DPYD: variants seen among roughly 807,000 people sequenced by gnomAD.
The protein encoded by DPYD is dihydropyrimidine dehydrogenase [NADP(+)].
A neutral mutation model predicts 116.2 loss-of-function variants in DPYD; 109 were observed. The ratio of observed to expected loss-of-function variants is 0.94; its 90% confidence interval spans 0.80 to 1.10. The LOEUF (loss-of-function observed/expected upper bound fraction) is 1.10. Ranked by LOEUF, DPYD falls within the 50% of genes least tolerant of loss-of-function variation. The pLI is 0.00. For synonymous variants in DPYD, 440 were observed against 432.0 expected (o/e 1.02, Z -0.23); for missense variants, 1,302 against 1,254.5 (o/e 1.04, Z -0.57).
At chr1:97,752,054 T>A (rs1240043944) in intron 3 of DPYD, among the ~76,000 whole-genome samples, 1 of 152,042 alleles carries the variant, frequency 6.6e-6, no homozygotes, top group Non-Finnish European at 1.5e-5. Flanking sequence ...CCACTGTGCC[T>A]GGCCTAAAAA....
Position 97,414,552 on chromosome 1 carries a change from T to G in DPYD, c.1906-32091A>C, listed in dbSNP as rs556752694. 1.4e-4 allele frequency among the ~76,000 whole-genome samples: 22 copies of G among 152,332 alleles called. No individual in the cohort carries two copies. The South Asian group carries it at 4.6e-3, about 32-fold the overall frequency. ...GAGGGGGCTCAGAATAGAAAATTCA[T>G]TTGGGTTTTTAACTATAAATGTAGG... On this transcript the variant is annotated intron_variant, in intron 14 of 22. Transcript: ENST00000370192.
At chr1:97,636,460 A>T (rs572226906) in intron 8 of DPYD, among the ~76,000 whole-genome samples, 2 of 152,164 alleles carry the variant, frequency 1.3e-5, no homozygotes, top group African/African-American at 4.8e-5. Flanking sequence ...ATCTTTATAA[A>T]TAAAATATAG....
intron 12 of DPYD, among the ~76,000 whole-genome samples, chr1:97,548,976 A>G (rs926672805): frequency 6.6e-6 from 1 of 152,136 alleles, no homozygotes; most frequent in Non-Finnish European, 1.5e-5. Context: ...TGTATGATCT[A>G]TGTATTTAAG....
intron 1 of DPYD, among the ~76,000 whole-genome samples, chr1:97,917,242 T>A (rs1004689817): frequency 2.0e-5 from 3 of 152,198 alleles, no homozygotes; most frequent in Non-Finnish European, 2.9e-5. Flanking sequence ...AAACAACTCA[T>A]GGCTTTGTAT....
chr1:97,633,642 TA>T (rs926552499), intron 8 of DPYD, among the ~76,000 whole-genome samples: 2 of 152,092 alleles, frequency 1.3e-5, no homozygotes, highest in African/African-American at 4.8e-5. Flanking sequence ...GCCTGCAAAT[TA>T]AACTAACAAA....
chr1:97,295,602 T>C, intron 18 of DPYD: 1 of 195,164 alleles, frequency 5.1e-6, no homozygotes, highest in Non-Finnish European at 9.3e-6. Flanking sequence ...GGCTAAGTTT[T>C]GTGTTTTTGG....
chr1:97,404,569 G>C (rs1026446939), intron 14 of DPYD, among the ~76,000 whole-genome samples: 1 of 151,896 alleles, frequency 6.6e-6, no homozygotes, highest in Admixed American at 6.6e-5. Flanking sequence ...AACTTTCCTT[G>C]CTTTGAAGTC....
At chr1:97,894,535 T>A (rs9727548) in intron 1 of DPYD, among the ~76,000 whole-genome samples, 110,084 of 151,454 alleles carry the variant, frequency 0.73, 40,626 homozygotes, top group East Asian at 0.93. Context: ...AGAAGAAACT[T>A]CAGAATAACC....
rs545457756 is a variant in DPYD at position 97,151,200 on chromosome 1, C to T, written c.2622+41869G>A. On this transcript the variant is annotated intron_variant, in intron 20 of 22. Transcript: ENST00000370192. ...ACTGTAGAAACATTAAAATACTTTA[C>T]ATATATTTACATATACCTTACTGTA... is the stretch of plus-strand genomic sequence containing the variant. 7.2e-5 allele frequency among the ~76,000 whole-genome samples: 11 copies of T among 152,272 alleles called. No homozygotes were observed. The East Asian group carries it at 2.1e-3, about 29-fold the overall frequency.
chr1:97,378,673 C>A (rs1242180355), intron 15 of DPYD, among the ~76,000 whole-genome samples: 1 of 152,168 alleles, frequency 6.6e-6, no homozygotes, highest in Non-Finnish European at 1.5e-5. Flanking sequence ...TGTCACATGG[C>A]AATACTCGAA....
At chr1:97,373,029 G>C (rs528832822) in intron 16 of DPYD, among the ~76,000 whole-genome samples, 1 of 152,136 alleles carries the variant, frequency 6.6e-6, no homozygotes, top group South Asian at 2.1e-4. Context: ...TGTTCATTAG[G>C]CTTTTGAAAG....
At chr1:97,344,335 C>T (rs1349242059) in intron 16 of DPYD, among the ~76,000 whole-genome samples, 2 of 151,750 alleles carry the variant, frequency 1.3e-5, no homozygotes, top group African/African-American at 4.8e-5. Context: ...TAATGCTATG[C>T]AGTACCATTT....
At chr1:97,517,726 T>C (rs569505876) in intron 12 of DPYD, among the ~76,000 whole-genome samples, 63 of 152,240 alleles carry the variant, frequency 4.1e-4, no homozygotes, top group African/African-American at 1.4e-3. Context: ...TTCCTGACAC[T>C]ACAGGTTGAT....
intron 3 of DPYD, among the ~76,000 whole-genome samples, chr1:97,760,857 A>C (rs1184933824): frequency 6.6e-6 from 1 of 152,038 alleles, no homozygotes; most frequent in Non-Finnish European, 1.5e-5. Flanking sequence ...CAGGTGGGGG[A>C]CTGTAGTTAA....
intron 2 of DPYD, among the ~76,000 whole-genome samples, chr1:97,882,164 C>G (rs1398057711): frequency 6.6e-6 from 1 of 151,904 alleles, no homozygotes; most frequent in Non-Finnish European, 1.5e-5. Flanking sequence ...TTAGAGACCT[C>G]TACTAGAAGC....
intron 21 of DPYD, among the ~76,000 whole-genome samples, chr1:97,085,692 C>G (rs992268284): frequency 6.6e-6 from 1 of 152,138 alleles, no homozygotes; most frequent in African/African-American, 2.4e-5. Context: ...GTCCTGGAAT[C>G]TGGAGTTGGC....
chr1:97,747,813 T>A (rs1367872655), intron 3 of DPYD, among the ~76,000 whole-genome samples: 1 of 152,178 alleles, frequency 6.6e-6, no homozygotes, highest in Non-Finnish European at 1.5e-5. Flanking sequence ...ATATTTAATT[T>A]TTGACTTCAC....
At chr1:97,258,795 T>C (rs1423213276) in intron 18 of DPYD, among the ~76,000 whole-genome samples, 1 of 152,110 alleles carries the variant, frequency 6.6e-6, no homozygotes, top group African/African-American at 2.4e-5. Flanking sequence ...TGGTGTTGCA[T>C]AAGGACCAGA....
chr1:97,355,193 C>T (rs921879728), intron 16 of DPYD, among the ~76,000 whole-genome samples: 1 of 152,086 alleles, frequency 6.6e-6, no homozygotes, highest in Non-Finnish European at 1.5e-5. Context: ...TATTCTAAAT[C>T]TATCATCTCT....
Sources: allele counts gnomAD v4.1 joint callset (sites outside exome capture counted in the v4.1 genomes callset), GRCh38; gene constraint gnomAD v4.1.1; transcripts MANE v1.5; gene names NCBI Gene and HGNC (gene_info 2026-07-23, HGNC 2026-07-21).